The following FGF14 variants were observed in gnomAD, a reference collection of about 807,000 sequenced individuals.
FGF14 encodes fibroblast growth factor homologous factor 4.
In FGF14, 5 loss-of-function variants were observed where a neutral mutation model predicts 25.5. The ratio of observed to expected loss-of-function variants is 0.20; its 90% CI spans 0.10 to 0.41. The LOEUF (loss-of-function observed/expected upper bound fraction) is 0.41. Ranked by LOEUF, FGF14 falls within the 10% of genes least tolerant of loss-of-function variation. The pLI is 1.00. For synonymous variants in FGF14, 138 were observed against 118.3 expected (o/e 1.17, Z -1.08); for missense variants, 222 against 320.1 (o/e 0.69, Z 2.34).
At chr13:102,108,962 C>T (rs2045073332) in intron 1 of FGF14, among the ~76,000 whole-genome samples, 2 of 145,208 alleles carry the variant, frequency 1.4e-5, no homozygotes, top group African/African-American at 5.2e-5. Context: ...AGATCACTAA[C>T]AAGGAAAAAA....
intron 3 of FGF14, among the ~76,000 whole-genome samples, chr13:101,821,327 T>C (rs2984839): frequency 0.011 from 1,724 of 152,322 alleles, 41 homozygotes; most frequent in African/African-American, 0.039. Flanking sequence ...CTTTTTCTCC[T>C]TTTTATGTCT....
intron 1 of FGF14, among the ~76,000 whole-genome samples, chr13:101,886,861 ACC>A (rs1205006139): frequency 6.6e-6 from 1 of 152,010 alleles, no homozygotes; most frequent in Non-Finnish European, 1.5e-5. Context: ...AAAATAACAA[ACC>A]CCATTTAAAA....
At chr13:102,267,109 C>A (rs1236187942) in intron 1 of FGF14, among the ~76,000 whole-genome samples, 1 of 152,010 alleles carries the variant, frequency 6.6e-6, no homozygotes, top group Admixed American at 6.6e-5. Context: ...AGTTACTGGA[C>A]CTTAAGACAA....
At chr13:101,992,820 AT>A (rs1386801163) in intron 1 of FGF14, among the ~76,000 whole-genome samples, 1 of 152,038 alleles carries the variant, frequency 6.6e-6, no homozygotes, top group East Asian at 1.9e-4. Context: ...AAAACAGAAT[AT>A]CCAGGAATTG....
In FGF14 at chr13:101,908,900, T is replaced by C. The variant is rs373745363; in HGVS notation, c.193+7553A>G. Among the ~76,000 whole-genome samples, 4 of 152,154 alleles carry C rather than the reference T, an allele frequency of 2.6e-5. No individual in the cohort carries two copies. The East Asian group carries it at 7.7e-4, about 29-fold the overall frequency. The stretch of plus-strand genomic sequence containing the variant: ...ACTGGTACCAAAACAGAGATATAGA[T>C]GAATGGAACAGAACAGAGCCCTCAG... On this transcript the variant is annotated intron_variant, in intron 1 of 4. Coordinates refer to ENST00000376143, the MANE Select transcript of FGF14 (RefSeq NM_004115.4).
intron 1 of FGF14, among the ~76,000 whole-genome samples, chr13:102,309,167 C>CACACACACACAT (rs549521419): frequency 6.6e-6 from 1 of 151,532 alleles, no homozygotes; most frequent in African/African-American, 2.4e-5. Context: ...CACACACACA[C>CACACACACACAT]ATCTCGCACA....
At chr13:102,132,835 C>T (rs500580) in intron 1 of FGF14, among the ~76,000 whole-genome samples, 3,989 of 152,162 alleles carry the variant, frequency 0.026, 172 homozygotes, top group African/African-American at 0.091. Context: ...AGTGGGTTTA[C>T]TTTTGACTAA....
chr13:101,913,675 G>C (rs1357586943), intron 1 of FGF14, among the ~76,000 whole-genome samples: 3 of 151,538 alleles, frequency 2.0e-5, no homozygotes, highest in Non-Finnish European at 4.4e-5. Context: ...TCCACCTCAA[G>C]GTCTCTGCAC....
chr13:101,876,551 G>A (rs1212010494), intron 1 of FGF14, among the ~76,000 whole-genome samples: 6 of 152,038 alleles, frequency 3.9e-5, no homozygotes, highest in Admixed American at 3.3e-4. Flanking sequence ...CATTTGAGAC[G>A]TGACTCCATT....
At chr13:102,036,077 G>C (rs979596079) in intron 1 of FGF14, among the ~76,000 whole-genome samples, 9 of 152,060 alleles carry the variant, frequency 5.9e-5, no homozygotes, top group Non-Finnish European at 1.2e-4. Context: ...GGGAAATAGA[G>C]AGAGAAAAAC....
intron 3 of FGF14, among the ~76,000 whole-genome samples, chr13:101,757,676 C>G (rs1444852732): frequency 6.6e-6 from 1 of 152,114 alleles, no homozygotes; most frequent in African/African-American, 2.4e-5. Flanking sequence ...CAATCTCAAA[C>G]CTCACTCAAT....
chr13:101,977,645 C>T (rs2038008876), intron 1 of FGF14, among the ~76,000 whole-genome samples: 1 of 152,126 alleles, frequency 6.6e-6, no homozygotes, highest in Non-Finnish European at 1.5e-5. Context: ...CCCAGGAACC[C>T]TTGGCAGCAA....
intron 1 of FGF14, among the ~76,000 whole-genome samples, chr13:102,234,755 A>C (rs2051253163): frequency 6.6e-6 from 1 of 152,210 alleles, no homozygotes; most frequent in Non-Finnish European, 1.5e-5. Context: ...TATTAGTCAT[A>C]AATTACATCT....
chr13:102,102,660 T>C (rs1001517945), intron 1 of FGF14, among the ~76,000 whole-genome samples: 3 of 152,348 alleles, frequency 2.0e-5, no homozygotes, highest in South Asian at 2.1e-4. Flanking sequence ...GAATCTCCCA[T>C]GTAACTCAAA....
At chr13:102,108,472 A>G (rs1411074858) in intron 1 of FGF14, among the ~76,000 whole-genome samples, 1 of 152,320 alleles carries the variant, frequency 6.6e-6, no homozygotes, top group Admixed American at 6.5e-5. Flanking sequence ...TTAAAAAGTC[A>G]AATCTAGAAT....
chr13:102,328,315 TG>T (rs1247143017), intron 1 of FGF14, among the ~76,000 whole-genome samples: 4 of 152,266 alleles, frequency 2.6e-5, no homozygotes, highest in African/African-American at 9.6e-5. Flanking sequence ...AAGCACTAAC[TG>T]GGCAGAAATC....
At chr13:102,015,881 C>A (rs2040314233) in intron 1 of FGF14, among the ~76,000 whole-genome samples, 1 of 152,040 alleles carries the variant, frequency 6.6e-6, no homozygotes, top group Non-Finnish European at 1.5e-5. Flanking sequence ...GCTTCAATAG[C>A]ATTTCAGCAA....
At chr13:102,181,765 G>A (rs1661945569) in intron 1 of FGF14, among the ~76,000 whole-genome samples, 1 of 152,146 alleles carries the variant, frequency 6.6e-6, no homozygotes, top group South Asian at 2.1e-4. Flanking sequence ...TGGATCCATA[G>A]TAGTGCATAA....
At chr13:101,891,901 G>C (rs944616732) in intron 1 of FGF14, among the ~76,000 whole-genome samples, 1 of 152,082 alleles carries the variant, frequency 6.6e-6, no homozygotes, top group Non-Finnish European at 1.5e-5. Flanking sequence ...TCTGATACAT[G>C]CTTCAGATGG....
Sources: allele counts gnomAD v4.1 joint callset (sites outside exome capture counted in the v4.1 genomes callset), GRCh38; gene constraint gnomAD v4.1.1; transcripts MANE v1.5; gene names NCBI Gene and HGNC (gene_info 2026-07-23, HGNC 2026-07-21).